CYP24A1: variants seen among roughly 807,000 people sequenced by gnomAD.
CYP24A1 encodes the protein cytochrome P450 family 24 subfamily A member 1, also known as 1,25-dihydroxyvitamin D(3) 24-hydroxylase, mitochondrial.
A neutral mutation model predicts 62.4 loss-of-function variants in CYP24A1; 68 were observed. That is an observed-to-expected ratio of 1.09 (90% confidence interval 0.90 to 1.33). CYP24A1 has a LOEUF of 1.33. Among genes scored for constraint, CYP24A1 ranks in the 40% most tolerant of loss-of-function variants. The pLI, the probability that CYP24A1 is intolerant of heterozygous loss-of-function variation, is 0.00. For synonymous variants in CYP24A1, 267 were observed against 253.0 expected, an observed-to-expected ratio of 1.06 and a Z score of -0.52; for missense variants, 787 against 653.0, an observed-to-expected ratio of 1.21 and a Z score of -2.24.
In CYP24A1 at chr20:54,162,851, T is replaced by A; in HGVS notation, c.856A>T (p.Ile286Phe). 6.3e-7 allele frequency: 1 copy of A among 1,577,018 alleles called. No homozygotes were observed. Among genetic ancestry groups the A allele is most frequent in the Non-Finnish European group, 8.7e-7 (1 of 1,146,374 alleles). Reference protein sequence around the residue: ...DTIFKSVKACIDNRLEKYSQQ... With the variant: ...DTIFKSVKACFDNRLEKYSQQ... ...GAATACTTCTCTAACCGGTTGTCGA[T>A]ACAAGCTTTGACTATTAGAGCAGAG... The change falls in exon 7 of 12, where the codon ATC (isoleucine) becomes TTC (phenylalanine). Residue 286 changes from isoleucine to phenylalanine, a missense_variant. Physicochemically the swap from Ile to Phe is conservative, Grantham distance 21. Transcript: ENST00000216862.
rs770360816 is a variant in CYP24A1 at position 54,159,072 on chromosome 20, C to T, written c.1042G>A (p.Val348Met). ...ATTTCCTTAAGAAGCTTTTGTTGCA[C>T]TTGGGGATTACGGGATAAATTGTAG... ...ILYNLSRNPQ[V>M]QQKLLKEIQS... The change falls in exon 8 of 12, where the codon GTG becomes ATG. Residue 348 changes from valine (V) to methionine (M), a missense_variant. Coordinates refer to ENST00000216862, the MANE Select transcript of CYP24A1 (RefSeq NM_000782.5). The T allele has an allele frequency of 6.2e-7, 1 of 1,614,028 alleles. No individual in the cohort carries two copies. Among genetic ancestry groups the T allele is most frequent in the South Asian group, 1.1e-5 (1 of 91,080 alleles).
chr20:54,158,136 G>A lies in CYP24A1; in HGVS notation c.1186C>T (p.Arg396Trp), dbSNP rs114368325. 1,256 of 1,614,010 alleles carry A rather than the reference G, an allele frequency of 7.8e-4. 3 individuals carry two copies. Among genetic ancestry groups the A allele is most frequent in the Non-Finnish European group, 9.2e-4 (1,091 of 1,180,012 alleles). ...AGAACTGTTGCCTTGTCAAGAGTCCGAGTTGTAAATGGTACACTCGGCGTA... is the reference window on the plus strand; with the variant it reads ...AGAACTGTTGCCTTGTCAAGAGTCCAAGTTGTAAATGGTACACTCGGCGTA... ...RLTPSVPFTT[R>W]TLDKATVLGE... The change falls in exon 9 of 12, where the codon CGG becomes TGG. Residue 396 changes from arginine to tryptophan, a missense_variant. By Grantham distance (101) the Arg-to-Trp change is moderately radical. Transcript: ENST00000216862.
chr20:54,172,862 G>T (rs1195705530), intron 2 of CYP24A1, 47 bp downstream of exon 2: 2 of 1,612,016 alleles, frequency 1.2e-6, no homozygotes, highest in Non-Finnish European at 1.7e-6. Flanking sequence ...GCGCCGTCAG[G>T]CTCATCAGGT....
the CYP24A1 span, among the ~76,000 whole-genome samples, chr20:54,144,032 G>A: frequency 1.3e-5 from 2 of 152,128 alleles, no homozygotes; most frequent in Non-Finnish European, 2.9e-5. Context: ...AACCATGAAG[G>A]AACTGAAGTG....
intron 5 of CYP24A1, among the ~76,000 whole-genome samples, chr20:54,165,148 G>C (rs1365476403): frequency 6.6e-6 from 1 of 152,260 alleles, no homozygotes; most frequent in African/African-American, 2.4e-5. Context: ...CTGGTCAGTG[G>C]CCTGTTAGGA....
In CYP24A1 at chr20:54,157,274, C is replaced by T. The variant is rs776534674; in HGVS notation, c.1450G>A (p.Asp484Asn). Residue 484 changes from aspartate (D) to asparagine (N), a missense_variant, in exon 11 of 12, where the codon GAC becomes AAC. Transcript: ENST00000216862. ...GGCTCATTGTCTGTGGCCTGGATGT[C>T]GTATTTGCGGACAATCTGTAATGCA... ...LALCWIVRKYDIQATDNEPVE... is the reference protein window; with the variant it reads ...LALCWIVRKYNIQATDNEPVE... The T allele has an allele frequency of 1.2e-5, 19 of 1,609,408 alleles. No homozygotes were observed. Among genetic ancestry groups the T allele is most frequent in the Middle Eastern group, 1.6e-4 (1 of 6,072 alleles).
chr20:54,165,910 G>A, intron 4 of CYP24A1, 77 bp from the exon 5 acceptor site: 1 of 868,378 alleles, frequency 1.2e-6, no homozygotes. Flanking sequence ...GGTTATTAAA[G>A]ACTCAATTCT....
chr20:54,167,450 G>C (rs1039664603), intron 4 of CYP24A1, among the ~76,000 whole-genome samples: 2 of 152,106 alleles, frequency 1.3e-5, no homozygotes, highest in South Asian at 4.1e-4. Context: ...GAGACCAACC[G>C]GTGGCAAAAC....
intron 4 of CYP24A1, among the ~76,000 whole-genome samples, chr20:54,166,618 A>G (rs546212998): frequency 1.1e-4 from 17 of 152,342 alleles, no homozygotes; most frequent in East Asian, 5.8e-4. Flanking sequence ...CAACATAACC[A>G]CAATGTCATT....
Position 54,157,269 on chromosome 20 carries a change from G to T in CYP24A1, c.1455C>A (p.Ile485=), listed in dbSNP as rs2092631913. The change falls in exon 11 of 12, where the codon ATC becomes ATA. Residue 485 remains isoleucine (I), a synonymous_variant. Coordinates refer to ENST00000216862, the MANE Select transcript of CYP24A1 (RefSeq NM_000782.5). Reference sequence around the variant, plus strand: ...CAACAGGCTCATTGTCTGTGGCCTGGATGTCGTATTTGCGGACAATCTGTA... The same window carrying T: ...CAACAGGCTCATTGTCTGTGGCCTGTATGTCGTATTTGCGGACAATCTGTA... ...ALCWIVRKYD[I]QATDNEPVEM... is the part of the protein sequence containing the mutation. 6.2e-7 allele frequency: 1 copy of T among 1,611,230 alleles called. No individual in the cohort carries two copies. The highest frequency in any genetic ancestry group is 1.7e-5 in the Admixed American group (1 of 59,988).
rs2209314 is a variant in CYP24A1 at position 54,162,422 on chromosome 20, T to C, written c.990+295A>G. ...GGACATCATGGCACTCATCACATCC[T>C]ACTCTGGCTTTTTGTCACTGGGGCA... On this transcript the variant is annotated intron_variant, in intron 7 of 11. Transcript: ENST00000216862. Among the ~76,000 whole-genome samples, 31,467 of 138,326 alleles carry C rather than the reference T, an allele frequency of 0.23. 3,842 individuals are homozygous for C. The highest frequency in any genetic ancestry group is 0.45 in the East Asian group (1,980 of 4,440). 90.7% of individuals were successfully genotyped at this position (138,326 alleles called of 152,430 possible).
At chr20:54,156,445 A>G (rs540070367) in intron 11 of CYP24A1, among the ~76,000 whole-genome samples, 1 of 152,296 alleles carries the variant, frequency 6.6e-6, no homozygotes, top group South Asian at 2.1e-4. Flanking sequence ...GGAATATGGG[A>G]AATCTCTCAA....
At chr20:54,152,191 A>G (rs1601117510), downstream of CYP24A1, among the ~76,000 whole-genome samples, 1 of 152,136 alleles carries the variant, frequency 6.6e-6, no homozygotes, top group African/African-American at 2.4e-5. Flanking sequence ...TTCAAAGACT[A>G]CCTTCTGGCT....
intron 9 of CYP24A1, among the ~76,000 whole-genome samples, 156 bp downstream of exon 9, chr20:54,157,930 T>G (rs1348336944): frequency 6.6e-6 from 1 of 152,260 alleles, no homozygotes; most frequent in East Asian, 1.9e-4. Flanking sequence ...CCGTGAATTC[T>G]AATTCTATAC....
chr20:54,169,511 C>T, intron 4 of CYP24A1, 81 bp downstream of exon 4: 1 of 1,605,854 alleles, frequency 6.2e-7, no homozygotes, highest in Non-Finnish European at 8.5e-7. Context: ...TGCCTGTTTA[C>T]AAAAGAGTTG....
downstream of CYP24A1, among the ~76,000 whole-genome samples, chr20:54,149,426 A>G (rs981798734): frequency 6.6e-6 from 1 of 152,180 alleles, no homozygotes; most frequent in South Asian, 2.1e-4. Flanking sequence ...ATTTCCAGGG[A>G]TATTTGTGGG....
rs569291645 is a variant in CYP24A1, at chr20:54,154,166, A to G, written c.*606T>C. 1 of 152,324 alleles carries G rather than the reference A, an allele frequency of 6.6e-6. No individual in the cohort carries two copies. Among genetic ancestry groups the G allele is most frequent in the African/African-American group, 2.4e-5 (1 of 41,578 alleles). The allele number at this position is 152,324 out of a possible 1,614,324, so 9.4% of individuals were successfully genotyped here. A position where few individuals can be genotyped will look rare whatever the true frequency, so the allele number is the denominator to read the frequency against. On this transcript the variant is annotated 3_prime_UTR_variant, in exon 12 of 12. Coordinates refer to ENST00000216862, the MANE Select transcript of CYP24A1 (RefSeq NM_000782.5). ...TACCCTAATGCCATAAAGGAATCAC[A>G]TTTAAAAAATAAACAATTTTAAGGT...
Position 54,157,495 on chromosome 20 carries a change from C to A in CYP24A1, c.1327G>T (p.Glu443Ter), listed in dbSNP as rs1462265584. ...GCAAAAGGATTAATTTTTTCCTTCT[C>A]CTGAAGCCAACGTTCAGGTCTAAAC... is the stretch of plus-strand genomic sequence containing the variant. ...SQFRPERWLQ[E>*]KEKINPFAHL... The change falls in exon 10 of 12, where the codon GAG becomes TAG. Residue 443 changes from glutamate to a stop codon, truncating the protein, a stop_gained. Transcript: ENST00000216862. LOFTEE classifies it high-confidence loss of function. 1 of 1,600,458 alleles carries A rather than the reference C, an allele frequency of 6.2e-7. No homozygotes were observed. Among genetic ancestry groups the A allele is most frequent in the African/African-American group, 1.3e-5 (1 of 74,644 alleles).
rs1489411746 is a variant in CYP24A1, at chr20:54,162,545, TA to T, written c.990+171del. The T allele has an allele frequency of 4.1e-5, 26 of 638,370 alleles. No individual in the cohort carries two copies. The African/African-American group carries it at 4.7e-4, about 12-fold the overall frequency. The allele number at this position is 638,370 out of a possible 1,614,324, so 39.5% of individuals were successfully genotyped here. Reference sequence around the variant, plus strand: ...GGCCGTGCGCTGAGGCACCGTGGCATAGATGCTGTGCGCGGAGGCACCGTGG... The same window carrying T: ...GGCCGTGCGCTGAGGCACCGTGGCATGATGCTGTGCGCGGAGGCACCGTGG... On this transcript the variant is annotated intron_variant, in intron 7 of 11. Coordinates refer to ENST00000216862, the MANE Select transcript of CYP24A1 (RefSeq NM_000782.5).
Sources: allele counts gnomAD v4.1 joint callset (sites outside exome capture counted in the v4.1 genomes callset), GRCh38; gene constraint gnomAD v4.1.1; transcripts MANE v1.5; gene names NCBI Gene and HGNC (gene_info 2026-07-23, HGNC 2026-07-21).